ABR: variants seen among roughly 807,000 people sequenced by gnomAD.
ABR encodes the protein active breakpoint cluster region-related protein.
ABR carries 35 observed loss-of-function variants against 107.2 expected under a neutral mutation model. The ratio of observed to expected loss-of-function variants is 0.33; its 90% CI spans 0.25 to 0.43. The LOEUF (loss-of-function observed/expected upper bound fraction) is 0.43, where lower values mean the gene tolerates loss of function less well. Among genes scored for constraint, ABR ranks in the 20% least tolerant of loss-of-function variants. The pLI, the probability that ABR is intolerant of heterozygous loss-of-function variation, is 1.00. For synonymous variants in ABR, 498 were observed against 462.0 expected (o/e 1.08, Z -1.00); for missense variants, 815 against 1,115.2 (o/e 0.73, Z 3.83).
intron 6 of ABR, 40 bp downstream of exon 6, chr17:1,079,289 CA>C (rs2036017936): frequency 8.7e-6 from 14 of 1,603,364 alleles, no homozygotes; most frequent in Admixed American, 1.7e-5. Flanking sequence ...CACAGCCAGA[CA>C]AAGGTAGGTG....
intron 1 of ABR, among the ~76,000 whole-genome samples, chr17:1,161,294 G>C (rs1053247987): frequency 6.6e-6 from 1 of 151,462 alleles, no homozygotes; most frequent in African/African-American, 2.4e-5. Context: ...CCAGGCCAGA[G>C]TGCAGAATGT....
chr17:1,132,654 G>A (rs1312768641), intron 1 of ABR, among the ~76,000 whole-genome samples: 2 of 152,058 alleles, frequency 1.3e-5, no homozygotes, highest in Admixed American at 6.6e-5. Flanking sequence ...TGGGATTACA[G>A]GCGTGAGCCA....
At chr17:1,082,423 C>T (rs1164624539) in intron 5 of ABR, among the ~76,000 whole-genome samples, 5 of 151,858 alleles carry the variant, frequency 3.3e-5, no homozygotes, top group African/African-American at 9.7e-5. Context: ...CAGAAGCACG[C>T]GTGTTCCCAG....
At chr17:1,083,015 T>G (rs1375789853) in intron 5 of ABR, among the ~76,000 whole-genome samples, 1 of 151,394 alleles carries the variant, frequency 6.6e-6, no homozygotes, top group Non-Finnish European at 1.5e-5. Context: ...TCCCAGCTAC[T>G]TGGGAGGCTG....
exon 1 of ABR, among the ~76,000 whole-genome samples, chr17:1,229,314 G>A (rs2043289517): frequency 6.6e-6 from 1 of 151,150 alleles, no homozygotes; most frequent in Non-Finnish European, 1.5e-5. Flanking sequence ...GGCCGCCCCG[G>A]GCCCGGCGGG....
Position 1,179,795 on chromosome 17 carries a change from C to A in ABR, c.-68G>T. 4 of 315,742 alleles carry A rather than the reference C, an allele frequency of 1.3e-5. No individual in the cohort carries two copies. Among genetic ancestry groups the A allele is most frequent in the Non-Finnish European group, 2.4e-5 (4 of 163,542 alleles). The allele number at this position is 315,742 out of a possible 1,614,324, so 19.6% of individuals were successfully genotyped here. A position where few individuals can be genotyped will look rare whatever the true frequency, so the allele number is the denominator to read the frequency against. On this transcript the variant is annotated 5_prime_UTR_variant, in exon 1 of 23. Coordinates refer to ENST00000302538, the MANE Select transcript of ABR (RefSeq NM_021962.5). This position sits in a 1 kb window ranked among gnomAD's most constrained non-coding sequence, Gnocchi z 4.9. ...CGCGCAACAAAGGAGGGAGAGCGGG[C>A]GGGAGCCGGGGGAGGCCGAAGTTGC...
At chr17:1,108,915 G>A (rs772251196) in intron 2 of ABR, 4 of 1,578,604 alleles carry the variant, frequency 2.5e-6, no homozygotes, top group African/African-American at 2.8e-5. Context: ...CCAGCGCCCA[G>A]GGCGTGTCAC....
chr17:1,045,574 C>T (rs1373228328), intron 16 of ABR, among the ~76,000 whole-genome samples: 1 of 152,172 alleles, frequency 6.6e-6, no homozygotes, highest in Non-Finnish European at 1.5e-5. Context: ...TGGCCTTGTC[C>T]GGGCTCCTTA....
intron 4 of ABR, among the ~76,000 whole-genome samples, chr17:1,089,180 G>A (rs1331191369): frequency 6.6e-6 from 1 of 152,066 alleles, no homozygotes; most frequent in Non-Finnish European, 1.5e-5. Flanking sequence ...ACAGGCGTGA[G>A]CCACCACGCT....
In ABR at chr17:1,214,744, C is replaced by G. The variant is rs560099055; in HGVS notation, c.838+14049G>C. ...TGAACCTGGGAGGCGGATGTTGCAG[C>G]GAGCCAAGATCGTGCCACTGCACTC... On this transcript the variant is annotated intron_variant, in intron 1 of 22. Transcript: ENST00000574139. Among the ~76,000 whole-genome samples the G allele has an allele frequency of 3.4e-4, 51 of 151,662 alleles. 1 individual carries two copies. The South Asian group carries it at 9.8e-3, about 29-fold the overall frequency.
chr17:1,200,158 C>T lies in ABR; in HGVS notation c.838+28635G>A, dbSNP rs986663980. On this transcript the variant is annotated intron_variant, in intron 1 of 22. Transcript: ENST00000574139. This position sits in a 1 kb window ranked among gnomAD's most constrained non-coding sequence, Gnocchi z 4.1. ...TGGGAGGAAAACAATTAAAAAAAAA[C>T]ACCACAAAAATAAAAAATACAAATA... Among the ~76,000 whole-genome samples the T allele has an allele frequency of 1.3e-5, 2 of 151,588 alleles. No individual in the cohort carries two copies. The highest frequency in any genetic ancestry group is 2.4e-5 in the African/African-American group (1 of 41,290).
Position 1,051,329 on chromosome 17 carries a change from C to T in ABR, c.1562-695G>A, listed in dbSNP as rs1437337589. On this transcript the variant is annotated intron_variant, in intron 14 of 22. Coordinates refer to ENST00000302538, the MANE Select transcript of ABR (RefSeq NM_021962.5). This position sits in a 1 kb window ranked among gnomAD's most constrained non-coding sequence, Gnocchi z 4.3. The stretch of plus-strand genomic sequence containing the variant: ...GTTTTCCTGCCTGCCGGTGTACCCG[C>T]AGTACCAAGAACAGGGCTGGGAACC... Among the ~76,000 whole-genome samples, 1 of 152,164 alleles carries T rather than the reference C, an allele frequency of 6.6e-6. No homozygotes were observed. Among genetic ancestry groups the T allele is most frequent in the African/African-American group, 2.4e-5 (1 of 41,434 alleles).
At chr17:1,079,258 G>A (rs969311691) in intron 6 of ABR, 72 bp downstream of exon 6, 22 of 1,565,078 alleles carry the variant, frequency 1.4e-5, no homozygotes, top group African/African-American at 9.5e-5. Flanking sequence ...AGGGCGCCGC[G>A]TTCACGCAGC....
intron 3 of ABR, among the ~76,000 whole-genome samples, chr17:1,099,979 A>T (rs1011679652): frequency 6.6e-6 from 1 of 152,156 alleles, no homozygotes; most frequent in African/African-American, 2.4e-5. Flanking sequence ...TACAAAAATT[A>T]GCCAGGACTG....
At chr17:1,227,929 C>T (rs1206343256) in intron 1 of ABR, among the ~76,000 whole-genome samples, 1 of 152,232 alleles carries the variant, frequency 6.6e-6, no homozygotes, top group Non-Finnish European at 1.5e-5. Context: ...ACCGTGCATA[C>T]TACCAGAAGG....
chr17:1,069,804 TCA>T (rs1341424392), intron 9 of ABR, among the ~76,000 whole-genome samples, 163 bp downstream of exon 9: 3 of 26,070 alleles, frequency 1.2e-4, no homozygotes, highest in Non-Finnish European at 2.0e-4. Context: ...GCCCCTGGAC[TCA>T]CACACTCACC....
At chr17:1,013,256 ACAGT>A (rs985187913) in intron 16 of ABR, 92 bp from the exon 17 acceptor site, 7 of 1,244,594 alleles carry the variant, frequency 5.6e-6, no homozygotes, top group South Asian at 3.6e-5. Context: ...AGCCAGCTAC[ACAGT>A]CAGGAAGGCG....
chr17:1,049,938 A>T (rs1177061136), intron 16 of ABR, 112 bp downstream of exon 16: 1 of 1,443,796 alleles, frequency 6.9e-7, no homozygotes. Flanking sequence ...CTTTCCTCCA[A>T]CCAGCTTGGA....
At chr17:1,130,020 G>A (rs148234031) in intron 1 of ABR, among the ~76,000 whole-genome samples, 199 of 152,320 alleles carry the variant, frequency 1.3e-3, no homozygotes, top group African/African-American at 4.5e-3. Context: ...AAGATGGACA[G>A]CTGTGTGATA....
Sources: allele counts gnomAD v4.1 joint callset (sites outside exome capture counted in the v4.1 genomes callset), GRCh38; gene constraint gnomAD v4.1.1; non-coding constraint Gnocchi (gnomAD v3.1); transcripts MANE v1.5; gene names NCBI Gene and HGNC (gene_info 2026-07-23, HGNC 2026-07-21).